DIAPH2: variants seen among roughly 807,000 people sequenced by gnomAD.
DIAPH2 encodes diaphanous related formin 2.
Under a neutral mutation model 92.7 loss-of-function variants are expected in DIAPH2, and 35 were observed. The observed-to-expected ratio is 0.38, with a 90% CI of 0.29 to 0.50. The LOEUF (loss-of-function observed/expected upper bound fraction) is 0.50. Ranked by LOEUF, DIAPH2 falls within the 20% of genes least tolerant of loss-of-function variation. The pLI, the probability that DIAPH2 is intolerant of heterozygous loss-of-function variation, is 0.94. For synonymous variants in DIAPH2, 301 were observed against 280.4 expected, an observed-to-expected ratio of 1.07 and a Z score of -0.73; for missense variants, 701 against 819.5, an observed-to-expected ratio of 0.86 and a Z score of 1.77.
At chrX:97,487,639 T>G (rs924264808) in intron 26 of DIAPH2, among the ~76,000 whole-genome samples, 16 of 112,088 alleles carry the variant, frequency 1.4e-4, no homozygotes, top group Non-Finnish European at 2.4e-4. Flanking sequence ...TGTTTTTAAT[T>G]TTTTGAGGAA....
chrX:96,984,098 A>C (rs2066015455), intron 17 of DIAPH2, among the ~76,000 whole-genome samples: 1 of 111,819 alleles, frequency 8.9e-6, no homozygotes, highest in African/African-American at 3.2e-5. Context: ...AGCTTCTTTC[A>C]GTTATCTGTT....
chrX:97,146,045 A>G (rs1170582415), intron 22 of DIAPH2, among the ~76,000 whole-genome samples: 1 of 56,159 alleles, frequency 1.8e-5, no homozygotes, highest in Non-Finnish European at 3.0e-5. Context: ...CTAAAGCCTT[A>G]GGAGAAAATA....
intron 21 of DIAPH2, among the ~76,000 whole-genome samples, chrX:97,139,757 T>C (rs749916012): frequency 8.8e-4 from 98 of 111,400 alleles, no homozygotes; most frequent in South Asian, 1.8e-3. Context: ...AAATATTTAT[T>C]AATAAATACA....
At chrX:97,134,199 G>A (rs2067156211) in intron 21 of DIAPH2, among the ~76,000 whole-genome samples, 1 of 111,701 alleles carries the variant, frequency 9.0e-6, no homozygotes, top group Non-Finnish European at 1.9e-5. Context: ...CATACTGTTT[G>A]TCTCATCTAC....
At chrX:97,009,093 T>C (rs1312132358) in intron 17 of DIAPH2, among the ~76,000 whole-genome samples, 1 of 110,482 alleles carries the variant, frequency 9.1e-6, no homozygotes, top group Non-Finnish European at 1.9e-5. Flanking sequence ...CTTAGAAATC[T>C]GCCTAGTGCT....
Position 96,711,636 on chromosome X carries a change from A to G in DIAPH2, c.133-24122A>G, listed in dbSNP as rs112146846. On this transcript the variant is annotated intron_variant, in intron 1 of 26. Transcript: ENST00000324765. ...AGAGTAATAGTTTTAGAATTTGTGT[A>G]TATAGATTGCTGGTACAAAATGATT... Among the ~76,000 whole-genome samples the G allele has an allele frequency of 2.9e-3, 328 of 111,766 alleles. 4 individuals are homozygous for G. The highest frequency in any genetic ancestry group is 4.6e-3 in the Middle Eastern group (1 of 217).
At chrX:97,471,167 C>T (rs2070558918) in intron 26 of DIAPH2, among the ~76,000 whole-genome samples, 2 of 111,110 alleles carry the variant, frequency 1.8e-5, no homozygotes, top group Admixed American at 1.9e-4. Context: ...GTGGAGAATG[C>T]AGATGCATAT....
intron 5 of DIAPH2, among the ~76,000 whole-genome samples, chrX:96,901,080 A>T (rs2065390316): frequency 9.0e-6 from 1 of 111,500 alleles, no homozygotes; most frequent in Non-Finnish European, 1.9e-5. Flanking sequence ...TTGTGAGTCC[A>T]TCTGGTCCTG....
chrX:97,015,703 A>T (rs1051550455), intron 17 of DIAPH2, among the ~76,000 whole-genome samples: 3 of 109,162 alleles, frequency 2.7e-5, no homozygotes, highest in African/African-American at 1.0e-4. Flanking sequence ...AATATCTTTT[A>T]AAAAAGCCTC....
rs189821029 is a variant in DIAPH2, at chrX:96,781,902, G to C, written c.447+23644G>C. Among the ~76,000 whole-genome samples the C allele has an allele frequency of 2.5e-4, 28 of 110,933 alleles. 1 individual carries two copies. In the East Asian group the frequency reaches 7.3e-3, roughly 29 times the overall value. ...AGAGAGATTGAATTAACACTAAAATGTGTTAAAACACATATATTTATAAAA... is the reference window on the plus strand; with the variant it reads ...AGAGAGATTGAATTAACACTAAAATCTGTTAAAACACATATATTTATAAAA... On this transcript the variant is annotated intron_variant, in intron 4 of 26. Coordinates refer to ENST00000324765, the MANE Select transcript of DIAPH2 (RefSeq NM_006729.5).
rs188957522 is a variant in DIAPH2 at position 96,855,780 on chromosome X, T to C, written c.448-25799T>C. Among the ~76,000 whole-genome samples, 5 of 110,642 alleles carry C rather than the reference T, an allele frequency of 4.5e-5. No homozygotes were observed. In the East Asian group the frequency reaches 1.4e-3, roughly 31 times the overall value. The stretch of plus-strand genomic sequence containing the variant: ...AGAGAATAGGAAATTTTTTTTAATA[T>C]GGACAAATTAGAGCTTAATATTTTA... On this transcript the variant is annotated intron_variant, in intron 4 of 26. Transcript: ENST00000324765.
intron 26 of DIAPH2, among the ~76,000 whole-genome samples, chrX:97,506,471 T>C (rs1378209867): frequency 2.8e-4 from 21 of 74,543 alleles, no homozygotes; most frequent in Non-Finnish European, 5.2e-4. Context: ...TTTTTTTTTT[T>C]CAGATGGTAA....
At chrX:96,748,171 C>T (rs2064161853) in intron 3 of DIAPH2, among the ~76,000 whole-genome samples, 1 of 111,870 alleles carries the variant, frequency 8.9e-6, no homozygotes, top group Non-Finnish European at 1.9e-5. Context: ...CAGAGAAATG[C>T]TTTCAAAAAT....
chrX:97,387,057 TTTTTGTTTTTG>T (rs1474558924), intron 25 of DIAPH2, among the ~76,000 whole-genome samples: 1 of 111,382 alleles, frequency 9.0e-6, no homozygotes, highest in South Asian at 3.8e-4. Flanking sequence ...TTGTTTTGTT[TTTTTGTTTTTG>T]TTTTGTTTTT....
At chrX:96,694,345 A>AT (rs747054500) in intron 1 of DIAPH2, among the ~76,000 whole-genome samples, 5,009 of 99,082 alleles carry the variant, frequency 0.051, 297 homozygotes, top group African/African-American at 0.16. Context: ...TCTAGGCTGC[A>AT]TTTTTTTTTT....
intron 26 of DIAPH2, among the ~76,000 whole-genome samples, chrX:97,476,682 G>A (rs778911820): frequency 1.8e-5 from 2 of 108,722 alleles, no homozygotes; most frequent in South Asian, 4.0e-4. Flanking sequence ...ATACATGGCC[G>A]GGCGCCGTGG....
chrX:96,737,188 A>G (rs2147568934), intron 2 of DIAPH2, among the ~76,000 whole-genome samples: 1 of 111,955 alleles, frequency 8.9e-6, no homozygotes, highest in East Asian at 2.8e-4. Flanking sequence ...TTATTTTTCA[A>G]GTTTCTTCTC....
chrX:97,512,350 G>A (rs1262923845), intron 26 of DIAPH2, among the ~76,000 whole-genome samples: 2 of 112,578 alleles, frequency 1.8e-5, no homozygotes, highest in Non-Finnish European at 3.8e-5. Context: ...GGGATCGGTG[G>A]TGATATCCCC....
chrX:97,427,833 C>T (rs766971453), intron 25 of DIAPH2, among the ~76,000 whole-genome samples: 1 of 110,176 alleles, frequency 9.1e-6, no homozygotes, highest in South Asian at 4.0e-4. Context: ...ACTACAGGTG[C>T]CCACCACCAT....
Sources: gnomAD v4.1 joint callset for allele counts (sites outside exome capture counted in the v4.1 genomes callset) on GRCh38, gnomAD v4.1.1 for gene constraint, MANE v1.5 for transcripts, NCBI Gene and HGNC (gene_info 2026-07-23, HGNC 2026-07-21) for gene names.